Variants in DGCR8 observed in about 807,000 individuals in gnomAD.
DGCR8 encodes DGCR8 microprocessor complex subunit.
Under a neutral mutation model 78.5 loss-of-function variants are expected in DGCR8, and 14 were observed. The observed-to-expected ratio is 0.18, with a 90% CI of 0.12 to 0.28. The LOEUF (loss-of-function observed/expected upper bound fraction) is 0.28. Among genes scored for constraint, DGCR8 ranks in the 10% least tolerant of loss-of-function variants. DGCR8 has a pLI of 1.00. For missense variants in DGCR8, 702 were observed against 1,022.5 expected (o/e 0.69, Z 4.28); for synonymous variants, 399 against 402.4 (o/e 0.99, Z 0.10).
intron 9 of DGCR8, among the ~76,000 whole-genome samples, chr22:20,102,283 GT>G (rs1351647956): frequency 6.6e-6 from 1 of 152,178 alleles, no homozygotes; most frequent in Non-Finnish European, 1.5e-5. Context: ...TGCCCCTGTA[GT>G]TTTGCCAGAT....
chr22:20,097,955 C>T (rs1354566154), intron 9 of DGCR8, among the ~76,000 whole-genome samples: 5 of 150,480 alleles, frequency 3.3e-5, no homozygotes, highest in Admixed American at 1.3e-4. Flanking sequence ...GGTGAAACCC[C>T]GTCTCTACTA....
chr22:20,100,271 T>G (rs1205833593), intron 9 of DGCR8: 2 of 804,416 alleles, frequency 2.5e-6, no homozygotes, highest in African/African-American at 3.7e-5. Flanking sequence ...TTCACCGTGT[T>G]GGCCAGGATG....
chr22:20,110,231 T>G lies in DGCR8; in HGVS notation c.*123T>G. On this transcript the variant is annotated 3_prime_UTR_variant, in exon 14 of 14. Transcript: ENST00000351989. ...ACGCTCCTTCCCTGTGGCCAACCTGTGGGCCCGGCCTTAGGGTGGAGGCTT... is the reference window on the plus strand; with the variant it reads ...ACGCTCCTTCCCTGTGGCCAACCTGGGGGCCCGGCCTTAGGGTGGAGGCTT... 1 of 984,178 alleles carries G rather than the reference T, an allele frequency of 1.0e-6. No individual in the cohort carries two copies. Among genetic ancestry groups the G allele is most frequent in the Non-Finnish European group, 1.5e-6 (1 of 658,050 alleles). 61.0% of individuals were successfully genotyped at this position (984,178 alleles called of 1,614,324 possible).
rs771156181 is a variant in DGCR8, at chr22:20,091,853, G to A, written c.1505-16G>A. ...GCACTGCTTCACACTTGCTGAGATG[G>A]TTCTTTTTGTCACAGAGTTTGTTAT... On this transcript the variant is annotated splice_polypyrimidine_tract_variant and intron_variant, in intron 6 of 13. Coordinates refer to ENST00000351989, the MANE Select transcript of DGCR8 (RefSeq NM_022720.7). 2 of 1,612,288 alleles carry A rather than the reference G, an allele frequency of 1.2e-6. No homozygotes were observed. The highest frequency in any genetic ancestry group is 1.7e-6 in the Non-Finnish European group (2 of 1,178,506).
In DGCR8 at chr22:20,110,241, C is replaced by T. The variant is rs2049822089; in HGVS notation, c.*133C>T. The T allele has an allele frequency of 1.2e-6, 1 of 862,896 alleles. No homozygotes were observed. The highest frequency in any genetic ancestry group is 1.8e-6 in the Non-Finnish European group (1 of 557,220). 53.5% of individuals were successfully genotyped at this position (862,896 alleles called of 1,614,324 possible). A position where few individuals can be genotyped will look rare whatever the true frequency, so the allele number is the denominator to read the frequency against. ...CCTGTGGCCAACCTGTGGGCCCGGC[C>T]TTAGGGTGGAGGCTTTAGTGTACAG... On this transcript the variant is annotated 3_prime_UTR_variant, in exon 14 of 14. Coordinates refer to ENST00000351989, the MANE Select transcript of DGCR8 (RefSeq NM_022720.7).
chr22:20,081,884 G>A (rs2049422089), intron 1 of DGCR8, among the ~76,000 whole-genome samples: 1 of 151,984 alleles, frequency 6.6e-6, no homozygotes, highest in Non-Finnish European at 1.5e-5. Flanking sequence ...AGGAGGCCCC[G>A]TCAGCTCACC....
intron 1 of DGCR8, chr22:20,084,988 G>T: frequency 2.0e-6 from 2 of 985,398 alleles, no homozygotes; most frequent in South Asian, 9.4e-5. Context: ...GCCTCTCTGT[G>T]CCTCGGCTCC....
chr22:20,085,742 C>T lies in DGCR8; in HGVS notation c.-222C>T, dbSNP rs921862540. 1.5e-6 allele frequency: 2 copies of T among 1,373,534 alleles called. No homozygotes were observed. Among genetic ancestry groups the T allele is most frequent in the Non-Finnish European group, 1.9e-6 (2 of 1,068,892 alleles). The allele number at this position is 1,373,534 out of a possible 1,614,324, so 85.1% of individuals were successfully genotyped here. A position where few individuals can be genotyped will look rare whatever the true frequency, so the allele number is the denominator to read the frequency against. On this transcript the variant is annotated 5_prime_UTR_variant, in exon 2 of 14. Coordinates refer to ENST00000351989, the MANE Select transcript of DGCR8 (RefSeq NM_022720.7). This position sits in a 1 kb window ranked among gnomAD's most constrained non-coding sequence, Gnocchi z 6.2. ...AAGACAGACTCGCTTAGTCGCCAGTCACTTAAGCTGAGTGCATTGTGATTT... is the reference window on the plus strand; with the variant it reads ...AAGACAGACTCGCTTAGTCGCCAGTTACTTAAGCTGAGTGCATTGTGATTT...
chr22:20,094,715 C>T lies in DGCR8; in HGVS notation c.1708C>T (p.Arg570Ter). Residue 570 changes from arginine to a stop codon, truncating the protein, a stop_gained and splice_region_variant, in exon 9 of 14, where the codon CGA becomes TGA. Transcript: ENST00000351989. LOFTEE classifies it high-confidence loss of function. ...SKKLAKNKAA[R>*]ATLEILIPDF... ...CCTCGGGCTCTTTTTTTTCATAGCC[C>T]GAGCTACACTGGAAATCCTCATCCC... 1.9e-6 allele frequency: 3 copies of T among 1,613,708 alleles called. No individual in the cohort carries two copies. The highest frequency in any genetic ancestry group is 2.5e-6 in the Non-Finnish European group (3 of 1,179,892).
rs999323272 is a variant in DGCR8 at position 20,080,622 on chromosome 22, G to A, written c.-278+239G>A. 22 of 422,210 alleles carry A rather than the reference G, an allele frequency of 5.2e-5. No homozygotes were observed. In the South Asian group the frequency reaches 1.1e-3, roughly 21 times the overall value. The allele number at this position is 422,210 out of a possible 1,614,324, so 26.2% of individuals were successfully genotyped here. A position where few individuals can be genotyped will look rare whatever the true frequency, so the allele number is the denominator to read the frequency against. On this transcript the variant is annotated intron_variant, in intron 1 of 13. Transcript: ENST00000351989. ...GCGTTGCCGACTCTCGTCGCTGTCC[G>A]CCCGGGTAAAGAGGCTCCTCTCCCG...
At chr22:20,105,854 G>A (rs2049763355) in intron 9 of DGCR8, among the ~76,000 whole-genome samples, 1 of 152,220 alleles carries the variant, frequency 6.6e-6, no homozygotes, top group African/African-American at 2.4e-5. Context: ...GTTCTGAGAA[G>A]GGTGCCTTAT....
At chr22:20,091,719 A>C in intron 6 of DGCR8, 87 bp downstream of exon 6, 1 of 1,554,976 alleles carries the variant, frequency 6.4e-7, no homozygotes. Flanking sequence ...TATGAGTTGC[A>C]TTTCGTTCAA....
chr22:20,085,937 T>G lies in DGCR8; in HGVS notation c.-27T>G. 1 of 1,525,462 alleles carries G rather than the reference T, an allele frequency of 6.6e-7. No individual in the cohort carries two copies. Among genetic ancestry groups the G allele is most frequent in the East Asian group, 2.3e-5 (1 of 44,228 alleles). 94.5% of individuals were successfully genotyped at this position (1,525,462 alleles called of 1,614,324 possible). A position where few individuals can be genotyped will look rare whatever the true frequency, so the allele number is the denominator to read the frequency against. ...GTGAGGGCTTGTAAAACTCTGGTCT[T>G]GTAAACTAGTCTTAAGCGCTTTTAA... is the stretch of plus-strand genomic sequence containing the variant. On this transcript the variant is annotated 5_prime_UTR_variant, in exon 2 of 14. Transcript: ENST00000351989. The surrounding 1 kb of genome is among the most constrained non-coding windows in gnomAD (Gnocchi z 6.2).
Position 20,111,220 on chromosome 22 carries a change from A to G in DGCR8, c.*1112A>G. 1 of 398,868 alleles carries G rather than the reference A, an allele frequency of 2.5e-6. No homozygotes were observed. Among genetic ancestry groups the G allele is most frequent in the African/African-American group, 2.1e-5 (1 of 48,736 alleles). 24.7% of individuals were successfully genotyped at this position (398,868 alleles called of 1,614,324 possible). A position where few individuals can be genotyped will look rare whatever the true frequency, so the allele number is the denominator to read the frequency against. ...TGTTCCTGCCGGAGTCTGAGGCACC[A>G]GGGTGTGCTCAAAGGCTGGCCCTGG... On this transcript the variant is annotated 3_prime_UTR_variant, in exon 14 of 14. Coordinates refer to ENST00000351989, the MANE Select transcript of DGCR8 (RefSeq NM_022720.7).
chr22:20,087,046 C>G lies in DGCR8; in HGVS notation c.721-116C>G. ...ATGATCATGCACCCTAAGGGCACAT[C>G]TAGGCCCCCTGAGAGCACCTCCTTT... On this transcript the variant is annotated intron_variant, in intron 2 of 13. Coordinates refer to ENST00000351989, the MANE Select transcript of DGCR8 (RefSeq NM_022720.7). The surrounding 1 kb of genome is among the most constrained non-coding windows in gnomAD (Gnocchi z 4.1). 1 of 1,362,608 alleles carries G rather than the reference C, an allele frequency of 7.3e-7. No homozygotes were observed. The highest frequency in any genetic ancestry group is 1.4e-5 in the South Asian group (1 of 71,672). 84.4% of individuals were successfully genotyped at this position (1,362,608 alleles called of 1,614,324 possible).
chr22:20,106,104 C>A, intron 9 of DGCR8, 73 bp from the exon 10 acceptor site: 1 of 1,300,104 alleles, frequency 7.7e-7, no homozygotes, highest in Non-Finnish European at 1.1e-6. Context: ...CTGGGGAAAG[C>A]CAACCGCAGG....
chr22:20,108,833 G>A (rs955449176), intron 12 of DGCR8, 57 bp from the exon 13 acceptor site: 39 of 735,690 alleles, frequency 5.3e-5, no homozygotes, highest in African/African-American at 1.0e-4. Flanking sequence ...GCTGGGCAGC[G>A]GGCAGGCCGT....
In DGCR8 at chr22:20,089,663, G is replaced by A. The variant is rs770764108; in HGVS notation, c.881-6G>A. 3 of 1,613,930 alleles carry A rather than the reference G, an allele frequency of 1.9e-6. No homozygotes were observed. The highest frequency in any genetic ancestry group is 2.2e-5 in the South Asian group (2 of 91,076). ...GATTATAGGATGTTCTTGTCTTCCT[G>A]TGCAGGTCGTGGCCGCCCACCTACA... On this transcript the variant is annotated splice_polypyrimidine_tract_variant and splice_region_variant and intron_variant, in intron 3 of 13. Transcript: ENST00000351989. This position sits in a 1 kb window ranked among gnomAD's most constrained non-coding sequence, Gnocchi z 4.9.
intron 9 of DGCR8, among the ~76,000 whole-genome samples, chr22:20,105,767 G>T (rs905477487): frequency 6.6e-6 from 1 of 152,206 alleles, no homozygotes; most frequent in Non-Finnish European, 1.5e-5. Context: ...TTTTGGGTCT[G>T]GCTGACTTTC....
Sources: gnomAD v4.1 joint callset for allele counts (sites outside exome capture counted in the v4.1 genomes callset) on GRCh38, gnomAD v4.1.1 for gene constraint, Gnocchi (gnomAD v3.1) non-coding constraint, MANE v1.5 for transcripts, NCBI Gene and HGNC (gene_info 2026-07-23, HGNC 2026-07-21) for gene names.